GPC6: variants seen among roughly 807,000 people sequenced by gnomAD.
The protein encoded by GPC6 is glypican-6.
A neutral mutation model predicts 55.2 loss-of-function variants in GPC6; 14 were observed. The observed-to-expected ratio is 0.25, with a 90% CI of 0.17 to 0.40. The LOEUF is 0.40. Among genes scored for constraint, GPC6 ranks in the 10% least tolerant of loss-of-function variants. The pLI, the probability that GPC6 is intolerant of heterozygous loss-of-function variation, is 1.00. For synonymous variants in GPC6, 278 were observed against 259.6 expected, an observed-to-expected ratio of 1.07 and a Z score of -0.68; for missense variants, 641 against 708.5, an observed-to-expected ratio of 0.90 and a Z score of 1.08.
chr13:93,691,434 G>A (rs1882252443), intron 2 of GPC6, among the ~76,000 whole-genome samples: 1 of 149,384 alleles, frequency 6.7e-6, no homozygotes, highest in Non-Finnish European at 1.5e-5. Context: ...CTGTATTTAT[G>A]AAAGGAAAAT....
intron 4 of GPC6, among the ~76,000 whole-genome samples, chr13:94,073,047 T>C (rs1884791924): frequency 6.6e-6 from 1 of 152,142 alleles, no homozygotes; most frequent in Non-Finnish European, 1.5e-5. Context: ...ATCTTTATGT[T>C]AGAGAGAGGC....
chr13:94,008,241 A>G (rs1295669427), intron 3 of GPC6, among the ~76,000 whole-genome samples: 2 of 152,216 alleles, frequency 1.3e-5, no homozygotes, highest in Non-Finnish European at 2.9e-5. Context: ...TCTCTTCAGA[A>G]GTAATCAAAA....
intron 1 of GPC6, among the ~76,000 whole-genome samples, chr13:93,267,910 T>C (rs550332503): frequency 1.3e-5 from 2 of 152,314 alleles, no homozygotes; most frequent in East Asian, 1.9e-4. Flanking sequence ...AAATGTGTCA[T>C]TATAGCTCTC....
chr13:93,605,681 C>CAAAA (rs747120957), intron 2 of GPC6, among the ~76,000 whole-genome samples: 2 of 113,644 alleles, frequency 1.8e-5, no homozygotes, highest in African/African-American at 6.2e-5. Flanking sequence ...TACAAAAATG[C>CAAAA]AAAAAAAAAA....
At chr13:94,110,062 T>TAAAAAAAAAA (rs78404632) in intron 4 of GPC6, among the ~76,000 whole-genome samples, 1 of 84,630 alleles carries the variant, frequency 1.2e-5, no homozygotes, top group Non-Finnish European at 2.5e-5. Flanking sequence ...CACCCTGGAC[T>TAAAAAAAAAA]AAAAAAAAAA....
intron 1 of GPC6, among the ~76,000 whole-genome samples, chr13:93,302,615 G>C (rs950658740): frequency 6.6e-6 from 1 of 152,148 alleles, no homozygotes; most frequent in African/African-American, 2.4e-5. Flanking sequence ...TAGCAAACCA[G>C]GAAACATACA....
intron 4 of GPC6, among the ~76,000 whole-genome samples, chr13:94,225,511 A>G (rs1890523298): frequency 6.6e-6 from 1 of 152,084 alleles, no homozygotes; most frequent in African/African-American, 2.4e-5. Context: ...AGTTAGTACA[A>G]GTTTATTTTG....
chr13:94,025,309 C>T (rs1882852017), intron 3 of GPC6, among the ~76,000 whole-genome samples: 1 of 152,008 alleles, frequency 6.6e-6, no homozygotes, highest in Non-Finnish European at 1.5e-5. Flanking sequence ...TAACCATGCC[C>T]AGTAAGTTTG....
At chr13:94,036,600 C>A (rs1408671154) in intron 4 of GPC6, among the ~76,000 whole-genome samples, 1 of 151,914 alleles carries the variant, frequency 6.6e-6, no homozygotes, top group Non-Finnish European at 1.5e-5. Context: ...TGAAAAAGGG[C>A]CTAATAATTC....
At chr13:93,852,912 A>G (rs1015764495) in intron 3 of GPC6, among the ~76,000 whole-genome samples, 4 of 151,652 alleles carry the variant, frequency 2.6e-5, no homozygotes, top group African/African-American at 9.7e-5. Flanking sequence ...TTGTACAAAA[A>G]TTTATGTTCC....
intron 3 of GPC6, among the ~76,000 whole-genome samples, chr13:93,911,827 G>T (rs1876999481): frequency 6.6e-6 from 1 of 152,194 alleles, no homozygotes; most frequent in Non-Finnish European, 1.5e-5. Context: ...TAACTGGTTG[G>T]TTACTGGTAG....
At chr13:94,380,571 T>G (rs1880113558) in intron 6 of GPC6, among the ~76,000 whole-genome samples, 1 of 152,196 alleles carries the variant, frequency 6.6e-6, no homozygotes, top group Non-Finnish European at 1.5e-5. Flanking sequence ...GTATATTTAT[T>G]GTTATTCTTG....
chr13:94,053,146 GA>G (rs1884011729), intron 4 of GPC6, among the ~76,000 whole-genome samples: 2 of 152,186 alleles, frequency 1.3e-5, no homozygotes, highest in Admixed American at 1.3e-4. Context: ...AGAAGCATTG[GA>G]AATTGTGCAG....
chr13:94,384,386 TA>T (rs1241240887), intron 7 of GPC6, among the ~76,000 whole-genome samples: 1 of 152,230 alleles, frequency 6.6e-6, no homozygotes, highest in African/African-American at 2.4e-5. Context: ...CCAGATGGCC[TA>T]ATGAATAAAA....
At chr13:93,845,761 C>T (rs1485138099) in intron 3 of GPC6, among the ~76,000 whole-genome samples, 2 of 147,754 alleles carry the variant, frequency 1.4e-5, no homozygotes, top group Non-Finnish European at 3.0e-5. Context: ...TATATTCTCA[C>T]TCATAGGTGG....
At chr13:93,572,078 T>C (rs1024541480) in intron 2 of GPC6, among the ~76,000 whole-genome samples, 2 of 152,164 alleles carry the variant, frequency 1.3e-5, no homozygotes, top group African/African-American at 4.8e-5. Flanking sequence ...CTAAGCCTCC[T>C]TTCACTGGCT....
At chr13:93,772,997 C>T (rs183142060) in intron 2 of GPC6, among the ~76,000 whole-genome samples, 2 of 152,132 alleles carry the variant, frequency 1.3e-5, no homozygotes, top group African/African-American at 2.4e-5. Flanking sequence ...ACCATGTTCC[C>T]GGTGGGACAT....
intron 3 of GPC6, among the ~76,000 whole-genome samples, chr13:93,958,433 AACCATC>A (rs1879610547): frequency 4.6e-5 from 7 of 152,144 alleles, no homozygotes; most frequent in African/African-American, 1.7e-4. Context: ...GTTATCCCAG[AACCATC>A]TATTGAGTAG....
At chr13:94,050,997 T>G (rs1217498326) in intron 4 of GPC6, among the ~76,000 whole-genome samples, 1 of 152,162 alleles carries the variant, frequency 6.6e-6, no homozygotes, top group Non-Finnish European at 1.5e-5. Context: ...TTTGGGAATG[T>G]GATTAGCATT....
Sources: gnomAD v4.1 joint callset for allele counts (sites outside exome capture counted in the v4.1 genomes callset) on GRCh38, gnomAD v4.1.1 for gene constraint, MANE v1.5 for transcripts, NCBI Gene and HGNC (gene_info 2026-07-23, HGNC 2026-07-21) for gene names.